Variants in HERC3 observed in about 807,000 individuals in gnomAD.
HERC3 encodes the protein probable E3 ubiquitin-protein ligase HERC3.
In HERC3, 58 loss-of-function variants were observed where a neutral mutation model predicts 129.9. The ratio of observed to expected loss-of-function variants is 0.45; its 90% CI spans 0.36 to 0.56. HERC3 has a LOEUF of 0.56. HERC3 is among the 20% of genes least tolerant of loss of function. HERC3 has a pLI of 0.00. For missense variants in HERC3, 835 were observed against 1,244.2 expected, an observed-to-expected ratio of 0.67 and a Z score of 4.95; for synonymous variants, 430 against 451.0, an observed-to-expected ratio of 0.95 and a Z score of 0.59.
In HERC3 at chr4:88,659,105, C is replaced by T. The variant is rs143855489; in HGVS notation, c.1146+614C>T. 1.8e-4 allele frequency among the ~76,000 whole-genome samples: 27 copies of T among 152,268 alleles called. No individual in the cohort carries two copies. In the East Asian group the frequency reaches 5.2e-3, roughly 29 times the overall value. ...TCCACTCTTCCTTGCTGGGGGAATT[C>T]AGTCTGGAAAAACTCCACAGATTTG... On this transcript the variant is annotated intron_variant, in intron 10 of 25. Transcript: ENST00000402738.
intron 12 of HERC3, among the ~76,000 whole-genome samples, chr4:88,664,887 G>A (rs959595323): frequency 1.3e-5 from 2 of 152,166 alleles, no homozygotes; most frequent in East Asian, 3.8e-4. Context: ...GTAGTAAATA[G>A]AATGTTTATT....
chr4:88,539,478 A>G, the HERC3 span, among the ~76,000 whole-genome samples: 1 of 152,192 alleles, frequency 6.6e-6, no homozygotes, highest in Admixed American at 6.5e-5. Context: ...TATAGACTCC[A>G]CCTCTGTGGG....
chr4:88,634,541 A>C (rs1387919304), intron 3 of HERC3, among the ~76,000 whole-genome samples: 3 of 152,166 alleles, frequency 2.0e-5, no homozygotes, highest in Admixed American at 6.5e-5. Flanking sequence ...GTGGACCAGC[A>C]GACTTAGTCT....
At chr4:88,606,210 A>T (rs1286229801) in intron 3 of HERC3, among the ~76,000 whole-genome samples, 161 bp downstream of exon 3, 2 of 151,334 alleles carry the variant, frequency 1.3e-5, no homozygotes, top group East Asian at 3.9e-4. Flanking sequence ...CCTTGTGTCT[A>T]ATTCAAGCCT....
At chr4:88,555,767 A>C in the HERC3 span, among the ~76,000 whole-genome samples, 1 of 152,222 alleles carries the variant, frequency 6.6e-6, no homozygotes, top group African/African-American at 2.4e-5. Flanking sequence ...CTATTAGCAG[A>C]GATTGAGCAG....
chr4:88,607,375 A>G lies in HERC3; in HGVS notation c.226+1326A>G, dbSNP rs546525982. On this transcript the variant is annotated intron_variant, in intron 3 of 25. Transcript: ENST00000402738. ...ATAAGCTGGAAAGGTAGGGGGACTA[A>G]TTCGTTTCCTTAAATTTCAGTGCTT... is the stretch of plus-strand genomic sequence containing the variant. Among the ~76,000 whole-genome samples the G allele has an allele frequency of 1.7e-3, 257 of 152,282 alleles. 2 individuals carry two copies. Among genetic ancestry groups the G allele is most frequent in the African/African-American group, 6.1e-3 (252 of 41,560 alleles).
chr4:88,556,823 T>A, the HERC3 span, among the ~76,000 whole-genome samples: 13 of 143,522 alleles, frequency 9.1e-5, no homozygotes, highest in Admixed American at 2.8e-4. Flanking sequence ...TTTTTTTTTT[T>A]AAATAGTGTC....
chr4:88,697,476 C>T (rs757009910), intron 23 of HERC3: 3 of 1,614,146 alleles, frequency 1.9e-6, no homozygotes, highest in South Asian at 1.1e-5. Flanking sequence ...TGGCTTCTAT[C>T]TTATCGCATC....
chr4:88,666,018 T>C (rs972139916), intron 12 of HERC3, among the ~76,000 whole-genome samples: 17 of 152,184 alleles, frequency 1.1e-4, no homozygotes, highest in Admixed American at 6.6e-4. Context: ...AACCCAGCGA[T>C]GCTGCTAAAC....
At chr4:88,697,859 G>A (rs1191925534) in intron 23 of HERC3, 2 of 1,464,394 alleles carry the variant, frequency 1.4e-6, no homozygotes, top group African/African-American at 1.4e-5. Context: ...GTGACGTGCG[G>A]CCGCGGGAAT....
intron 7 of HERC3, among the ~76,000 whole-genome samples, chr4:88,654,956 C>G (rs924914990): frequency 8.5e-5 from 13 of 152,172 alleles, no homozygotes; most frequent in African/African-American, 3.1e-4. Flanking sequence ...GCACACATTC[C>G]TTTGAGCATT....
Position 88,592,551 on chromosome 4 carries a change from A to G in HERC3, c.-111A>G, listed in dbSNP as rs1326571114. ...AGGGGCTGTGACAGTCGGAGTCCCAAGCTGCGGTTCGGCTGCTGCCGAGGT... is the reference window on the plus strand; with the variant it reads ...AGGGGCTGTGACAGTCGGAGTCCCAGGCTGCGGTTCGGCTGCTGCCGAGGT... On this transcript the variant is annotated 5_prime_UTR_variant, in exon 1 of 26. Coordinates refer to ENST00000402738, the MANE Select transcript of HERC3 (RefSeq NM_014606.3). 6.6e-6 allele frequency: 1 copy of G among 152,316 alleles called. No homozygotes were observed. The highest frequency in any genetic ancestry group is 2.4e-5 in the African/African-American group (1 of 41,460). The allele number at this position is 152,316 out of a possible 1,614,324, so 9.4% of individuals were successfully genotyped here.
At chr4:88,703,598 G>T (rs1735509263) in intron 23 of HERC3, among the ~76,000 whole-genome samples, 1 of 152,110 alleles carries the variant, frequency 6.6e-6, no homozygotes, top group African/African-American at 2.4e-5. Flanking sequence ...ATTTGAGATG[G>T]TTCTTCCCAG....
At chr4:88,686,951 A>AT in intron 22 of HERC3, 149 bp downstream of exon 22, 1 of 676,746 alleles carries the variant, frequency 1.5e-6, no homozygotes, top group Non-Finnish European at 2.6e-6. Flanking sequence ...CTTGAGTGTT[A>AT]TAGGGGTTCA....
rs1459250964 is a variant in HERC3, at chr4:88,706,748, C to G, written c.2945-4C>G. 2 of 1,613,640 alleles carry G rather than the reference C, an allele frequency of 1.2e-6. No homozygotes were observed. The highest frequency in any genetic ancestry group is 2.2e-5 in the South Asian group (2 of 91,046). On this transcript the variant is annotated splice_region_variant and splice_polypyrimidine_tract_variant and intron_variant, in intron 25 of 25. Coordinates refer to ENST00000402738, the MANE Select transcript of HERC3 (RefSeq NM_014606.3). ...CTGCTAATGCCATTTCTCGTTCTCC[C>G]CAGTGTTCCTGACAGGCAGCGATCG...
chr4:88,641,568 A>G (rs1728092711), intron 3 of HERC3, among the ~76,000 whole-genome samples: 1 of 152,216 alleles, frequency 6.6e-6, no homozygotes, highest in Non-Finnish European at 1.5e-5. Flanking sequence ...CAAGAGAGTC[A>G]AAGAGAACAA....
At chr4:88,615,976 A>G (rs1724856722) in intron 3 of HERC3, among the ~76,000 whole-genome samples, 2 of 152,142 alleles carry the variant, frequency 1.3e-5, no homozygotes, top group Admixed American at 6.5e-5. Context: ...CATGACAAAT[A>G]CATACAGTTT....
At chr4:88,596,953 GT>G (rs1722466301) in intron 2 of HERC3, among the ~76,000 whole-genome samples, 1 of 152,184 alleles carries the variant, frequency 6.6e-6, no homozygotes, top group South Asian at 2.1e-4. Flanking sequence ...GAATTCTTCT[GT>G]GACTCAACAC....
chr4:88,640,681 C>A (rs1407317674), intron 3 of HERC3, among the ~76,000 whole-genome samples: 1 of 150,970 alleles, frequency 6.6e-6, no homozygotes, highest in Non-Finnish European at 1.5e-5. Context: ...CACATGTATA[C>A]CTATTTAACA....
Sources: gnomAD v4.1 joint callset for allele counts (sites outside exome capture counted in the v4.1 genomes callset) on GRCh38, gnomAD v4.1.1 for gene constraint, MANE v1.5 for transcripts, NCBI Gene and HGNC (gene_info 2026-07-23, HGNC 2026-07-21) for gene names.